The following ARHGEF28 variants were observed in gnomAD, a reference collection of about 807,000 sequenced individuals.
The protein encoded by ARHGEF28 is 190 kDa guanine nucleotide exchange factor.
In ARHGEF28, 152 loss-of-function variants were observed where a neutral mutation model predicts 206.6. The ratio of observed to expected loss-of-function variants is 0.74; its 90% CI spans 0.64 to 0.84. The LOEUF (loss-of-function observed/expected upper bound fraction) is 0.84, where lower values mean the gene tolerates loss of function less well. Among genes scored for constraint, ARHGEF28 ranks in the 40% least tolerant of loss-of-function variants. The pLI is 0.00. For missense variants in ARHGEF28, 2,028 were observed against 2,073.2 expected, an observed-to-expected ratio of 0.98 and a Z score of 0.42; for synonymous variants, 763 against 776.4, an observed-to-expected ratio of 0.98 and a Z score of 0.29.
intron 9 of ARHGEF28, among the ~76,000 whole-genome samples, chr5:73,826,582 A>C (rs1268430627): frequency 2.0e-5 from 3 of 152,162 alleles, no homozygotes; most frequent in Non-Finnish European, 2.9e-5. Context: ...TTTAGCTACA[A>C]GGCTCTTAGC....
At chr5:73,684,770 T>C in intron 1 of ARHGEF28, 71 bp from the exon 2 acceptor site, 3 of 1,374,198 alleles carry the variant, frequency 2.2e-6, no homozygotes, top group Non-Finnish European at 3.0e-6. Flanking sequence ...TATTGATAAC[T>C]GGAGAGCTCT....
rs1003875326 is a variant in ARHGEF28 at position 73,909,655 on chromosome 5, G to C, written c.4405G>C (p.Glu1469Gln). 1 of 1,546,288 alleles carries C rather than the reference G, an allele frequency of 6.5e-7. No individual in the cohort carries two copies. Among genetic ancestry groups the C allele is most frequent in the Non-Finnish European group, 8.7e-7 (1 of 1,145,002 alleles). Residue 1469 changes from glutamate (E) to glutamine (Q), a missense_variant, in exon 34 of 36, where the codon GAG becomes CAG. Physicochemically the swap from Glu to Gln is conservative, Grantham distance 29 (BLOSUM62 2). This residue lies in a region of ARHGEF28 where 803 missense variants were observed against 768.0 expected (regional missense o/e 1.05). Transcript: ENST00000513042. ...GCAGCAGCGGGCGCAGGCGACCAGG[G>C]AGAGCTGGCTGCAGGAGCGGGAGCG... ...EQQQRAQATR[E>Q]SWLQEREREC...
At position 73,840,681 on chromosome 5, in the gene ARHGEF28, A is replaced by G; in HGVS notation, c.1348A>G (p.Ser450Gly). 6.2e-7 allele frequency: 1 copy of G among 1,613,328 alleles called. No individual in the cohort carries two copies. The highest frequency in any genetic ancestry group is 8.5e-7 in the Non-Finnish European group (1 of 1,179,556). ...EAQQSFMSPS[S>G]SCASNLNLSF... ...CCAGCAGTCCTTCATGTCACCATCA[A>G]GTTCGTGTGCTTCCAACTTGAATCT... The change falls in exon 11 of 36, where the codon AGT (serine) becomes GGT (glycine). Residue 450 changes from serine to glycine, a missense_variant. By Grantham distance (56) the Ser-to-Gly change is moderately conservative. Transcript: ENST00000513042.
At chr5:73,884,416 G>A (rs1353168178) in intron 24 of ARHGEF28, among the ~76,000 whole-genome samples, 1 of 152,186 alleles carries the variant, frequency 6.6e-6, no homozygotes, top group African/African-American at 2.4e-5. Flanking sequence ...TAAGACCTGT[G>A]TCTGTCTGGT....
chr5:73,733,762 G>C (rs76155558), intron 2 of ARHGEF28, among the ~76,000 whole-genome samples: 2 of 152,058 alleles, frequency 1.3e-5, no homozygotes, highest in Non-Finnish European at 2.9e-5. Flanking sequence ...GAGATGAGGC[G>C]TGAAAAAGAA....
chr5:73,737,484 TTTCTTTTCTTTTCTTTTC>T (rs1751040996), intron 2 of ARHGEF28, among the ~76,000 whole-genome samples: 1 of 121,746 alleles, frequency 8.2e-6, no homozygotes, highest in Admixed American at 9.3e-5. Context: ...TTTCTTTTCT[TTTCTTTTCTTTTCTTTTC>T]TTTTCTTTTC....
At chr5:73,822,449 A>C (rs992262009) in intron 9 of ARHGEF28, among the ~76,000 whole-genome samples, 1 of 152,208 alleles carries the variant, frequency 6.6e-6, no homozygotes, top group African/African-American at 2.4e-5. Flanking sequence ...TTTAGCTTAC[A>C]TATGACCCAC....
chr5:73,747,198 A>G (rs1751765598), intron 2 of ARHGEF28, among the ~76,000 whole-genome samples: 1 of 152,192 alleles, frequency 6.6e-6, no homozygotes, highest in Non-Finnish European at 1.5e-5. Flanking sequence ...TTTATCTAGG[A>G]AAGTTTCTAG....
At chr5:73,744,951 C>G (rs1404258615) in intron 2 of ARHGEF28, among the ~76,000 whole-genome samples, 1 of 151,942 alleles carries the variant, frequency 6.6e-6, no homozygotes, top group Non-Finnish European at 1.5e-5. Context: ...TATATACACA[C>G]AAAAAACATT....
chr5:73,680,995 G>A (rs1747055004), intron 1 of ARHGEF28, among the ~76,000 whole-genome samples: 1 of 151,808 alleles, frequency 6.6e-6, no homozygotes, highest in African/African-American at 2.4e-5. Context: ...GAACCACCAA[G>A]CCTGGCCAAG....
chr5:73,827,513 A>C lies in ARHGEF28; in HGVS notation c.1025-4825A>C, dbSNP rs546954264. Among the ~76,000 whole-genome samples, 43 of 152,290 alleles carry C rather than the reference A, an allele frequency of 2.8e-4. No homozygotes were observed. The South Asian group carries it at 8.9e-3, about 32-fold the overall frequency. On this transcript the variant is annotated intron_variant, in intron 9 of 35. Transcript: ENST00000513042. ...TTTTCAGAATAATTCTATGAGATGG[A>C]TATATTATTGCCTTATTTTACAGAT...
At position 73,941,288 on chromosome 5, in the gene ARHGEF28, C is replaced by T; in HGVS notation, c.*275C>T. ...GACTATTTTAAAAGTTGTTTTGACGCTAGAGTAAAATTCCATGTCACATTT... is the reference window on the plus strand; with the variant it reads ...GACTATTTTAAAAGTTGTTTTGACGTTAGAGTAAAATTCCATGTCACATTT... On this transcript the variant is annotated 3_prime_UTR_variant, in exon 36 of 36. Coordinates refer to ENST00000513042, the MANE Select transcript of ARHGEF28 (RefSeq NM_001177693.2). The T allele has an allele frequency of 5.7e-6, 1 of 176,756 alleles. No individual in the cohort carries two copies. Among genetic ancestry groups the T allele is most frequent in the Middle Eastern group, 2.4e-3 (1 of 424 alleles). 10.9% of individuals were successfully genotyped at this position (176,756 alleles called of 1,614,324 possible).
intron 2 of ARHGEF28, among the ~76,000 whole-genome samples, chr5:73,703,671 G>GTGTGTT (rs377711723): frequency 2.6e-3 from 393 of 151,656 alleles, no homozygotes; most frequent in Non-Finnish European, 2.9e-3. Context: ...GTGTGTGTGT[G>GTGTGTT]TGTTATGAGT....
At chr5:73,729,844 T>G (rs750011959) in intron 2 of ARHGEF28, among the ~76,000 whole-genome samples, 7 of 152,196 alleles carry the variant, frequency 4.6e-5, no homozygotes, top group Non-Finnish European at 1.0e-4. Flanking sequence ...ATGAACCAGT[T>G]ACACACTAAC....
chr5:73,774,643 T>C (rs537534012), intron 5 of ARHGEF28, among the ~76,000 whole-genome samples: 1 of 152,328 alleles, frequency 6.6e-6, no homozygotes, highest in Non-Finnish European at 1.5e-5. Context: ...TAAACTATAA[T>C]GTTCTCTGTG....
At chr5:73,754,401 TG>T (rs1383865939) in intron 4 of ARHGEF28, among the ~76,000 whole-genome samples, 1 of 152,138 alleles carries the variant, frequency 6.6e-6, no homozygotes, top group Non-Finnish European at 1.5e-5. Context: ...GCCTGAATCC[TG>T]TGTGCTGTAC....
At chr5:73,748,369 T>C (rs145347583) in intron 2 of ARHGEF28, among the ~76,000 whole-genome samples, 1 of 152,254 alleles carries the variant, frequency 6.6e-6, no homozygotes, top group Non-Finnish European at 1.5e-5. Flanking sequence ...CTCTATACTT[T>C]GTATTTATAC....
rs201758334 is a variant in ARHGEF28, at chr5:73,911,530, C to T, written c.4903C>T (p.Gln1635Ter). 35 of 1,612,184 alleles carry T rather than the reference C, an allele frequency of 2.2e-5. No homozygotes were observed. The highest frequency in any genetic ancestry group is 1.6e-4 in the Middle Eastern group (1 of 6,082). ...KLWTAAGSGHQILPFHESSKD... is the reference protein window; with the variant it reads ...KLWTAAGSGH ...GTGGACAGCCGCTGGTTCCGGCCAT[C>T]AGATACTTCCTTTCCATGAAAGCAG... Residue 1635 changes from glutamine (Q) to a stop codon, truncating the protein, a stop_gained, in exon 35 of 36, where the codon CAG (glutamine) becomes TAG (stop). Coordinates refer to ENST00000513042, the MANE Select transcript of ARHGEF28 (RefSeq NM_001177693.2). LOFTEE classifies it low-confidence loss of function (END_TRUNC).
At chr5:73,827,239 A>C (rs1756968073) in intron 9 of ARHGEF28, among the ~76,000 whole-genome samples, 1 of 152,174 alleles carries the variant, frequency 6.6e-6, no homozygotes, top group South Asian at 2.1e-4. Context: ...GTCTGATATA[A>C]AAGTCACAAC....
Sources: gnomAD v4.1 joint callset for allele counts (sites outside exome capture counted in the v4.1 genomes callset) on GRCh38, gnomAD v4.1.1 for gene constraint, gnomAD v4.1.1 regional missense constraint, MANE v1.5 for transcripts, NCBI Gene and HGNC (gene_info 2026-07-23, HGNC 2026-07-21) for gene names.